TAF3: variants seen among roughly 807,000 people sequenced by gnomAD.
TAF3 encodes transcription initiation factor TFIID subunit 3.
A neutral mutation model predicts 80.6 loss-of-function variants in TAF3; 7 were observed. The ratio of observed to expected loss-of-function variants is 0.09; its 90% CI spans 0.05 to 0.16. TAF3 has a LOEUF of 0.16. Ranked by LOEUF, TAF3 falls within the 10% of genes least tolerant of loss-of-function variation. The probability of loss-of-function intolerance (pLI) is 1.00; values close to 1 mark genes in which losing one functional copy is unlikely to be tolerated. For missense variants in TAF3, 921 were observed against 1,140.2 expected, an observed-to-expected ratio of 0.81 and a Z score of 2.77; for synonymous variants, 444 against 446.1, an observed-to-expected ratio of 1.00 and a Z score of 0.06.
rs747592892 is a variant in TAF3, at chr10:7,964,360, A to G, written c.850A>G (p.Lys284Glu). ...AACTAGCTCTCCAGGACAGAAGACTAAATCACCTAAAACCGCCCAGTCACC... is the reference window on the plus strand; with the variant it reads ...AACTAGCTCTCCAGGACAGAAGACTGAATCACCTAAAACCGCCCAGTCACC... Reference protein sequence around the residue: ...TKTSSPGQKTKSPKTAQSPAM... With the variant: ...TKTSSPGQKTESPKTAQSPAM... Residue 284 changes from lysine to glutamate, a missense_variant, in exon 3 of 7, where the codon AAA (lysine) becomes GAA (glutamate). By Grantham distance (56) the Lys-to-Glu change is moderately conservative. Coordinates refer to ENST00000344293, the MANE Select transcript of TAF3 (RefSeq NM_031923.4). The surrounding 1 kb of genome is among the most constrained non-coding windows in gnomAD (Gnocchi z 4.1). 6.2e-6 allele frequency: 10 copies of G among 1,614,180 alleles called. No homozygotes were observed. The South Asian group carries it at 1.1e-4, about 18-fold the overall frequency.
intron 4 of TAF3, among the ~76,000 whole-genome samples, chr10:8,004,260 A>G (rs1010001228): frequency 6.6e-6 from 1 of 152,014 alleles, no homozygotes; most frequent in Non-Finnish European, 1.5e-5. Context: ...CATGTTGGCC[A>G]TGGTGAATCA....
chr10:7,977,966 TGG>T, intron 4 of TAF3, among the ~76,000 whole-genome samples: 1 of 152,216 alleles, frequency 6.6e-6, no homozygotes, highest in Admixed American at 6.5e-5. Context: ...ATTCATTTTT[TGG>T]GGAAGCATTA....
At chr10:7,999,684 T>A (rs1468231725) in intron 4 of TAF3, among the ~76,000 whole-genome samples, 2 of 152,112 alleles carry the variant, frequency 1.3e-5, no homozygotes, top group African/African-American at 4.8e-5. Context: ...CTCAAACTCC[T>A]GACCTCAGGC....
In TAF3 at chr10:7,975,373, T is replaced by C. The variant is rs76161055; in HGVS notation, c.2233-1868T>C. Among the ~76,000 whole-genome samples the C allele has an allele frequency of 5.0e-3, 757 of 152,314 alleles. 3 individuals are homozygous for C. The highest frequency in any genetic ancestry group is 0.024 in the Middle Eastern group (7 of 294). ...GCTTCATATTCATGCTTTACACTTA[T>C]CTTAAGACTTACTAGGGTCAGATCC... On this transcript the variant is annotated intron_variant, in intron 3 of 6. Coordinates refer to ENST00000344293, the MANE Select transcript of TAF3 (RefSeq NM_031923.4).
Position 7,850,415 on chromosome 10 carries a change from C to T in TAF3, c.409+25855C>T, listed in dbSNP as rs1303075554. ...TTAAGGCTGGGAGCAGTGGCTCATG[C>T]CTTTAATCCTAGCACTTTGGGAGGC... On this transcript the variant is annotated intron_variant, in intron 2 of 6. Transcript: ENST00000344293. Among the ~76,000 whole-genome samples, 3 of 152,170 alleles carry T rather than the reference C, an allele frequency of 2.0e-5. No homozygotes were observed. The East Asian group carries it at 5.8e-4, about 29-fold the overall frequency.
At chr10:8,011,759 G>A (rs2131443139) in intron 5 of TAF3, among the ~76,000 whole-genome samples, 1 of 152,304 alleles carries the variant, frequency 6.6e-6, no homozygotes, top group South Asian at 2.1e-4. Context: ...CTGTAATTAA[G>A]GAGTTTGTGT....
intron 2 of TAF3, among the ~76,000 whole-genome samples, chr10:7,919,898 G>T (rs1238873960): frequency 1.3e-5 from 2 of 151,858 alleles, no homozygotes; most frequent in Non-Finnish European, 2.9e-5. Flanking sequence ...TACATTGTTA[G>T]TCCCCCTCAT....
At chr10:7,901,571 C>T (rs1837559223) in intron 2 of TAF3, among the ~76,000 whole-genome samples, 1 of 152,116 alleles carries the variant, frequency 6.6e-6, no homozygotes, top group African/African-American at 2.4e-5. Flanking sequence ...TTCCATTTGG[C>T]CATCAGCTTT....
chr10:7,991,215 A>G (rs1831830398), intron 4 of TAF3, among the ~76,000 whole-genome samples: 1 of 151,966 alleles, frequency 6.6e-6, no homozygotes, highest in South Asian at 2.1e-4. Flanking sequence ...ATACATACAC[A>G]TCCGTATGCA....
intron 2 of TAF3, among the ~76,000 whole-genome samples, chr10:7,830,010 T>C (rs761047299): frequency 3.3e-5 from 5 of 152,238 alleles, no homozygotes; most frequent in Non-Finnish European, 7.3e-5. Flanking sequence ...GAATTCGTTA[T>C]GAAATGGAAG....
intron 2 of TAF3, among the ~76,000 whole-genome samples, chr10:7,866,976 C>T (rs767368825): frequency 7.2e-5 from 11 of 152,104 alleles, no homozygotes; most frequent in African/African-American, 2.4e-4. Flanking sequence ...GATATGATTT[C>T]GGCTGGGCGT....
chr10:7,929,821 G>GA (rs568938878), intron 2 of TAF3, among the ~76,000 whole-genome samples: 4 of 148,714 alleles, frequency 2.7e-5, no homozygotes, highest in East Asian at 2.0e-4. Flanking sequence ...TGGTAAGATG[G>GA]AAAAAAAAAA....
intron 2 of TAF3, among the ~76,000 whole-genome samples, chr10:7,940,005 A>G (rs924108114): frequency 2.6e-5 from 4 of 152,224 alleles, no homozygotes; most frequent in Admixed American, 2.0e-4. Context: ...ATAAAAATGC[A>G]TACCAAGGCA....
intron 2 of TAF3, among the ~76,000 whole-genome samples, chr10:7,947,965 C>A (rs1838041536): frequency 6.6e-6 from 1 of 151,794 alleles, no homozygotes; most frequent in African/African-American, 2.4e-5. Context: ...GTTCACAATT[C>A]TATGTTGACG....
At chr10:7,869,522 C>T (rs1291754204) in intron 2 of TAF3, among the ~76,000 whole-genome samples, 3 of 151,204 alleles carry the variant, frequency 2.0e-5, no homozygotes, top group African/African-American at 7.3e-5. Context: ...ACATAGTTCC[C>T]TGTTGTGACA....
intron 2 of TAF3, among the ~76,000 whole-genome samples, chr10:7,848,299 A>G (rs1188537633): frequency 1.3e-5 from 2 of 152,320 alleles, no homozygotes; most frequent in South Asian, 2.1e-4. Context: ...GACATACACA[A>G]TTGGGAATAG....
At chr10:7,959,247 A>G (rs1254042984) in intron 2 of TAF3, among the ~76,000 whole-genome samples, 1 of 152,238 alleles carries the variant, frequency 6.6e-6, no homozygotes, top group Non-Finnish European at 1.5e-5. Flanking sequence ...GCTTTCTTAT[A>G]AAATCTTAAG....
At chr10:7,829,817 T>C (rs1267276977) in intron 2 of TAF3, among the ~76,000 whole-genome samples, 1 of 152,312 alleles carries the variant, frequency 6.6e-6, no homozygotes, top group Non-Finnish European at 1.5e-5. Context: ...ATGGGAGTTA[T>C]GCGTCCCGCT....
At position 7,858,467 on chromosome 10, in the gene TAF3, C is replaced by T. The variant is rs531478252; in HGVS notation, c.409+33907C>T. Among the ~76,000 whole-genome samples the T allele has an allele frequency of 2.5e-3, 376 of 152,302 alleles. 1 individual carries two copies. Among genetic ancestry groups the T allele is most frequent in the African/African-American group, 8.7e-3 (363 of 41,554 alleles). On this transcript the variant is annotated intron_variant, in intron 2 of 6. Coordinates refer to ENST00000344293, the MANE Select transcript of TAF3 (RefSeq NM_031923.4). The stretch of plus-strand genomic sequence containing the variant: ...TGATCATTAGCAGGGGTTGTTCTTG[C>T]ATCTATACTTAACTGTTTTTTCACT...
Sources: gnomAD v4.1 joint callset for allele counts (sites outside exome capture counted in the v4.1 genomes callset) on GRCh38, gnomAD v4.1.1 for gene constraint, Gnocchi (gnomAD v3.1) non-coding constraint, MANE v1.5 for transcripts, NCBI Gene and HGNC (gene_info 2026-07-23, HGNC 2026-07-21) for gene names.